Variants in CCSER1 observed in about 807,000 individuals in gnomAD.
CCSER1 encodes serine-rich coiled-coil domain-containing protein 1.
In CCSER1, 41 loss-of-function variants were observed where a neutral mutation model predicts 82.0. That is an observed-to-expected ratio of 0.50 (90% confidence interval 0.39 to 0.65). CCSER1 has a LOEUF of 0.65. Among genes scored for constraint, CCSER1 ranks in the 30% least tolerant of loss-of-function variants. The pLI, the probability that CCSER1 is intolerant of heterozygous loss-of-function variation, is 0.00. For missense variants in CCSER1, 1,119 were observed against 1,064.2 expected, an observed-to-expected ratio of 1.05 and a Z score of -0.72; for synonymous variants, 414 against 383.9, an observed-to-expected ratio of 1.08 and a Z score of -0.92.
chr4:91,478,125 T>C (rs1373280090), intron 10 of CCSER1, among the ~76,000 whole-genome samples: 1 of 151,896 alleles, frequency 6.6e-6, no homozygotes, highest in Non-Finnish European at 1.5e-5. Flanking sequence ...CAATGTTTCC[T>C]GAAAAGTCTT....
intron 1 of CCSER1, among the ~76,000 whole-genome samples, chr4:90,250,101 G>C (rs1357278424): frequency 6.6e-6 from 1 of 151,948 alleles, no homozygotes. Context: ...TTGTATTTTT[G>C]AGTTGAGAGG....
intron 7 of CCSER1, among the ~76,000 whole-genome samples, chr4:90,744,161 G>A (rs1747007055): frequency 1.3e-5 from 2 of 152,306 alleles, no homozygotes; most frequent in South Asian, 4.2e-4. Context: ...AAAGTGCAAA[G>A]TATTGGGAGT....
chr4:91,214,061 A>T (rs1222470988), intron 10 of CCSER1, among the ~76,000 whole-genome samples: 3 of 152,174 alleles, frequency 2.0e-5, no homozygotes, highest in African/African-American at 7.2e-5. Context: ...ATTAGAAAAG[A>T]GAACATAAAT....
intron 7 of CCSER1, among the ~76,000 whole-genome samples, chr4:90,734,690 A>T (rs1745362382): frequency 6.6e-6 from 1 of 152,082 alleles, no homozygotes; most frequent in South Asian, 2.1e-4. Flanking sequence ...AACTTTACTG[A>T]ATTTGTTTTT....
At chr4:90,168,835 ATC>A (rs2153373986) in intron 1 of CCSER1, among the ~76,000 whole-genome samples, 1 of 141,388 alleles carries the variant, frequency 7.1e-6, no homozygotes, top group African/African-American at 2.8e-5. Flanking sequence ...ATTGATCTAT[ATC>A]TCTGTTTTGG....
chr4:91,542,141 T>C (rs1431963273), intron 10 of CCSER1, among the ~76,000 whole-genome samples: 1 of 152,194 alleles, frequency 6.6e-6, no homozygotes, highest in Admixed American at 6.5e-5. Context: ...CTTTGCCAGA[T>C]GGGTAGATTG....
intron 5 of CCSER1, among the ~76,000 whole-genome samples, chr4:90,607,266 A>G (rs1784850706): frequency 6.6e-6 from 1 of 152,206 alleles, no homozygotes; most frequent in South Asian, 2.1e-4. Context: ...ATATGTCAAT[A>G]TTTAATAGAA....
intron 5 of CCSER1, among the ~76,000 whole-genome samples, chr4:90,484,450 G>A (rs756962193): frequency 6.6e-6 from 1 of 152,144 alleles, no homozygotes; most frequent in African/African-American, 2.4e-5. Flanking sequence ...GAGGTGCTTT[G>A]ATTTTTAGAG....
chr4:91,014,983 G>GTT (rs372623799), intron 9 of CCSER1, among the ~76,000 whole-genome samples: 1 of 113,828 alleles, frequency 8.8e-6, no homozygotes, highest in African/African-American at 2.7e-5. Flanking sequence ...CTTCAAAATT[G>GTT]TTTTTTTTTA....
chr4:91,033,581 T>C (rs1174547087), intron 9 of CCSER1, among the ~76,000 whole-genome samples: 1 of 152,122 alleles, frequency 6.6e-6, no homozygotes, highest in Non-Finnish European at 1.5e-5. Context: ...CTTTTTATCT[T>C]GTTCATTTTA....
chr4:91,493,962 G>A (rs1377699564), intron 10 of CCSER1, among the ~76,000 whole-genome samples: 1 of 151,744 alleles, frequency 6.6e-6, no homozygotes, highest in Non-Finnish European at 1.5e-5. Context: ...ATGATACTAT[G>A]GTCTGAATAT....
intron 8 of CCSER1, among the ~76,000 whole-genome samples, chr4:90,916,999 A>G (rs1030574212): frequency 6.6e-6 from 1 of 152,222 alleles, no homozygotes; most frequent in South Asian, 2.1e-4. Flanking sequence ...GGTGATCATT[A>G]AAAAGTCAGG....
chr4:90,245,790 G>A (rs1202989681), intron 1 of CCSER1, among the ~76,000 whole-genome samples: 1 of 152,102 alleles, frequency 6.6e-6, no homozygotes, highest in Non-Finnish European at 1.5e-5. Flanking sequence ...GACAAGTGCA[G>A]TGATGATTTT....
chr4:90,885,244 A>G (rs1042444885), intron 8 of CCSER1, among the ~76,000 whole-genome samples: 2 of 152,174 alleles, frequency 1.3e-5, no homozygotes, highest in Admixed American at 6.5e-5. Flanking sequence ...TCAGTAATAC[A>G]TTACCAACAC....
At chr4:90,435,016 T>G (rs1392035806) in intron 4 of CCSER1, among the ~76,000 whole-genome samples, 1 of 152,184 alleles carries the variant, frequency 6.6e-6, no homozygotes, top group Non-Finnish European at 1.5e-5. Flanking sequence ...TCTCACTGCT[T>G]CTTCTTCTTT....
chr4:91,368,713 T>A (rs1749813954), intron 10 of CCSER1, among the ~76,000 whole-genome samples: 1 of 151,422 alleles, frequency 6.6e-6, no homozygotes, highest in African/African-American at 2.5e-5. Context: ...AGCAATTTCA[T>A]TTACTTTAAT....
chr4:90,487,236 A>G (rs919195496), intron 5 of CCSER1, among the ~76,000 whole-genome samples: 1 of 152,104 alleles, frequency 6.6e-6, no homozygotes, highest in African/African-American at 2.4e-5. Context: ...ATACCTCTTT[A>G]CAGGATATTC....
intron 8 of CCSER1, among the ~76,000 whole-genome samples, chr4:90,853,027 G>A (rs1764062581): frequency 6.6e-6 from 1 of 151,902 alleles, no homozygotes. Flanking sequence ...GGAGGAGCGA[G>A]AGATAAAGTA....
At chr4:91,145,683 A>G (rs916829277) in intron 10 of CCSER1, among the ~76,000 whole-genome samples, 1 of 152,098 alleles carries the variant, frequency 6.6e-6, no homozygotes, top group Admixed American at 6.6e-5. Context: ...ATGCCTGACA[A>G]ATATTTTATT....
Sources: gnomAD v4.1 joint callset for allele counts (sites outside exome capture counted in the v4.1 genomes callset) on GRCh38, gnomAD v4.1.1 for gene constraint, MANE v1.5 for transcripts, NCBI Gene and HGNC (gene_info 2026-07-23, HGNC 2026-07-21) for gene names.